The following CAMK2B variants were observed in gnomAD, a reference collection of about 807,000 sequenced individuals.
CAMK2B encodes calcium/calmodulin dependent protein kinase II beta.
A neutral mutation model predicts 93.7 loss-of-function variants in CAMK2B; 27 were observed. The observed-to-expected ratio is 0.29, with a 90% confidence interval of 0.21 to 0.40. The LOEUF is 0.40. CAMK2B is among the 10% of genes least tolerant of loss of function. The pLI is 1.00. For missense variants in CAMK2B, 568 were observed against 895.8 expected, an observed-to-expected ratio of 0.63 and a Z score of 4.67; for synonymous variants, 374 against 358.8, an observed-to-expected ratio of 1.04 and a Z score of -0.48.
rs577596200 is a variant in CAMK2B at position 44,289,637 on chromosome 7, T to G, written c.66-5412A>C. ...TCCATCAGTAAGGGGGCAGTGATTG[T>G]CCCCCTACACAGAATGAGGTGACAC... On this transcript the variant is annotated intron_variant, in intron 1 of 23. Transcript: ENST00000395749. Among the ~76,000 whole-genome samples the G allele has an allele frequency of 9.2e-5, 14 of 152,020 alleles. No individual in the cohort carries two copies. In the East Asian group the frequency reaches 2.7e-3, roughly 29 times the overall value.
At chr7:44,289,016 C>T (rs1050631271) in intron 1 of CAMK2B, among the ~76,000 whole-genome samples, 42 of 152,154 alleles carry the variant, frequency 2.8e-4, no homozygotes, top group African/African-American at 9.4e-4. Context: ...ATGCCCCATC[C>T]GCCTCTGTCT....
At chr7:44,267,479 A>G (rs1452544489) in intron 2 of CAMK2B, among the ~76,000 whole-genome samples, 2 of 152,214 alleles carry the variant, frequency 1.3e-5, no homozygotes, top group East Asian at 3.9e-4. Flanking sequence ...CATGAGTTCA[A>G]CCAGCTCCTA....
chr7:44,263,339 C>T (rs1482536525), intron 2 of CAMK2B, among the ~76,000 whole-genome samples: 1 of 152,236 alleles, frequency 6.6e-6, no homozygotes, highest in Non-Finnish European at 1.5e-5. Flanking sequence ...CTGGATGATT[C>T]TAAGTCAGCG....
chr7:44,274,136 C>G (rs936691428), intron 2 of CAMK2B, among the ~76,000 whole-genome samples: 9 of 152,146 alleles, frequency 5.9e-5, no homozygotes, highest in African/African-American at 2.2e-4. Context: ...TTCTAACCCC[C>G]AATAACCTCA....
intron 1 of CAMK2B, among the ~76,000 whole-genome samples, chr7:44,313,352 A>G (rs1001067166): frequency 6.6e-6 from 1 of 152,082 alleles, no homozygotes; most frequent in African/African-American, 2.4e-5. Flanking sequence ...GAGGAAGGAA[A>G]AAGGGCACAG....
intron 1 of CAMK2B, among the ~76,000 whole-genome samples, chr7:44,310,473 G>A (rs1023069244): frequency 3.3e-5 from 5 of 152,218 alleles, no homozygotes; most frequent in Non-Finnish European, 4.4e-5. Context: ...TATGTCATGC[G>A]CGGTGGGAGG....
chr7:44,292,444 A>G (rs891230674), intron 1 of CAMK2B, among the ~76,000 whole-genome samples: 8 of 152,188 alleles, frequency 5.3e-5, no homozygotes, highest in Non-Finnish European at 1.0e-4. Flanking sequence ...GGAATCTGCC[A>G]CTGTGTGCAG....
rs552264223 is a variant in CAMK2B at position 44,220,806 on chromosome 7, C to A, written c.1673+20G>T. On this transcript the variant is annotated intron_variant, in intron 21 of 23. Coordinates refer to ENST00000395749, the MANE Select transcript of CAMK2B (RefSeq NM_001220.5). ...CACATCCTTGTCCTGCACAGCCCCC[C>A]CCCAGCCCCAGGGACTCACGCGTAG... is the stretch of plus-strand genomic sequence containing the variant. 18 of 1,560,834 alleles carry A rather than the reference C, an allele frequency of 1.2e-5. No homozygotes were observed. Among genetic ancestry groups the A allele is most frequent in the Admixed American group, 1.9e-5 (1 of 52,514 alleles).
chr7:44,291,702 A>G (rs572385024), intron 1 of CAMK2B, among the ~76,000 whole-genome samples: 2 of 152,278 alleles, frequency 1.3e-5, no homozygotes, highest in Non-Finnish European at 2.9e-5. Flanking sequence ...CACCACTGAT[A>G]GCTGGGTGCT....
intron 13 of CAMK2B, among the ~76,000 whole-genome samples, chr7:44,238,579 C>T (rs2096647052): frequency 1.3e-5 from 2 of 152,204 alleles, no homozygotes; most frequent in African/African-American, 4.8e-5. Flanking sequence ...ACGCCCTGGG[C>T]CTCCCCAGAA....
At chr7:44,221,146 A>G (rs951778959) in intron 20 of CAMK2B, among the ~76,000 whole-genome samples, 1 of 152,250 alleles carries the variant, frequency 6.6e-6, no homozygotes, top group Non-Finnish European at 1.5e-5. Context: ...GAAATATTCT[A>G]TCCACATTAC....
At position 44,232,879 on chromosome 7, in the gene CAMK2B, G is replaced by C. The variant is rs770031428; in HGVS notation, c.1132-13C>G. 2 of 1,612,974 alleles carry C rather than the reference G, an allele frequency of 1.2e-6. No individual in the cohort carries two copies. Among genetic ancestry groups the C allele is most frequent in the Non-Finnish European group, 1.7e-6 (2 of 1,178,992 alleles). ...TGGTTTGAGGCTCCTACAGAAGAAG[G>C]AAGACACAGAGGAAGGAAAGAGAGG... is the stretch of plus-strand genomic sequence containing the variant. On this transcript the variant is annotated splice_polypyrimidine_tract_variant and intron_variant, in intron 15 of 23. Coordinates refer to ENST00000395749, the MANE Select transcript of CAMK2B (RefSeq NM_001220.5).
intron 1 of CAMK2B, among the ~76,000 whole-genome samples, chr7:44,305,877 T>C (rs1791334943): frequency 6.6e-6 from 1 of 152,178 alleles, no homozygotes; most frequent in South Asian, 2.1e-4. Context: ...GCTGATGTCA[T>C]GTTGTTAGCT....
At chr7:44,274,948 C>A (rs980069939) in intron 2 of CAMK2B, among the ~76,000 whole-genome samples, 2 of 152,186 alleles carry the variant, frequency 1.3e-5, no homozygotes, top group African/African-American at 4.8e-5. Flanking sequence ...GGCAACCCTC[C>A]ATCTATTTTA....
At chr7:44,292,420 C>T (rs781305795) in intron 1 of CAMK2B, among the ~76,000 whole-genome samples, 1 of 152,192 alleles carries the variant, frequency 6.6e-6, no homozygotes, top group Non-Finnish European at 1.5e-5. Context: ...ATGCTGAGTC[C>T]AGGTCTGCCT....
At chr7:44,264,452 C>T (rs903468936) in intron 2 of CAMK2B, among the ~76,000 whole-genome samples, 1 of 152,136 alleles carries the variant, frequency 6.6e-6, no homozygotes, top group Non-Finnish European at 1.5e-5. Context: ...GAGCGGCATC[C>T]CCTGGCTCCC....
chr7:44,293,693 G>A (rs1310900682), intron 1 of CAMK2B, among the ~76,000 whole-genome samples: 3 of 152,166 alleles, frequency 2.0e-5, no homozygotes, highest in Non-Finnish European at 4.4e-5. Flanking sequence ...TCACAATAGG[G>A]TTCGTGCTCC....
chr7:44,306,990 G>T, intron 1 of CAMK2B, among the ~76,000 whole-genome samples: 1 of 142,056 alleles, frequency 7.0e-6, no homozygotes, highest in African/African-American at 2.7e-5. Flanking sequence ...GAGGGTGTGA[G>T]CAGGAGGAGG....
intron 1 of CAMK2B, among the ~76,000 whole-genome samples, chr7:44,299,702 CTATT>C (rs1789364981): frequency 6.6e-6 from 1 of 152,112 alleles, no homozygotes; most frequent in Non-Finnish European, 1.5e-5. Flanking sequence ...CTGGACTCTA[CTATT>C]TATTAATTGT....
Sources: gnomAD v4.1 joint callset for allele counts (sites outside exome capture counted in the v4.1 genomes callset) on GRCh38, gnomAD v4.1.1 for gene constraint, MANE v1.5 for transcripts, NCBI Gene and HGNC (gene_info 2026-07-23, HGNC 2026-07-21) for gene names.